Variants in PLCE1 observed in about 807,000 individuals in gnomAD.
PLCE1 encodes phospholipase C epsilon 1.
Under a neutral mutation model 242.8 loss-of-function variants are expected in PLCE1, and 119 were observed. The ratio of observed to expected loss-of-function variants is 0.49; its 90% confidence interval spans 0.42 to 0.57. PLCE1 has a LOEUF of 0.57. Among genes scored for constraint, PLCE1 ranks in the 20% least tolerant of loss-of-function variants. The probability of loss-of-function intolerance (pLI) is 0.00; values close to 1 mark genes in which losing one functional copy is unlikely to be tolerated. For missense variants in PLCE1, 2,441 were observed against 2,788.8 expected, an observed-to-expected ratio of 0.88 and a Z score of 2.81; for synonymous variants, 945 against 1,017.4, an observed-to-expected ratio of 0.93 and a Z score of 1.35.
At chr10:94,214,189 A>C (rs1358125119) in intron 4 of PLCE1, among the ~76,000 whole-genome samples, 2 of 152,328 alleles carry the variant, frequency 1.3e-5, no homozygotes, top group East Asian at 3.9e-4. Flanking sequence ...AGCCAACTCC[A>C]TGTTGGTGCT....
intron 2 of PLCE1, chr10:94,088,964 C>G: frequency 1.1e-6 from 1 of 935,456 alleles, no homozygotes; most frequent in Non-Finnish European, 1.5e-6. Context: ...GACTCTGGAT[C>G]GCAGCCCTCC....
At chr10:94,311,100 G>T (rs1044666243) in intron 27 of PLCE1, among the ~76,000 whole-genome samples, 3 of 152,178 alleles carry the variant, frequency 2.0e-5, no homozygotes, top group South Asian at 2.1e-4. Flanking sequence ...ATGGGAGGAG[G>T]AGTGCAGAGC....
Position 94,018,714 on chromosome 10 carries a change from T to C in PLCE1, c.-364-11969T>C, listed in dbSNP as rs548114507. ...TAGTTCATATCCTAATTTTTTTCTTTATGACTCTGTAGTAAGTAATGATTT... is the reference window on the plus strand; with the variant it reads ...TAGTTCATATCCTAATTTTTTTCTTCATGACTCTGTAGTAAGTAATGATTT... On this transcript the variant is annotated intron_variant, in intron 1 of 32. Coordinates refer to ENST00000371380, the MANE Select transcript of PLCE1 (RefSeq NM_016341.4). Among the ~76,000 whole-genome samples, 7 of 152,330 alleles carry C rather than the reference T, an allele frequency of 4.6e-5. No individual in the cohort carries two copies. In the South Asian group the frequency reaches 1.4e-3, roughly 32 times the overall value.
In PLCE1 at chr10:94,227,402, T is replaced by G. The variant is rs1288229733; in HGVS notation, c.1906T>G (p.Trp636Gly). The change falls in exon 5 of 33, where the codon TGG becomes GGG. Residue 636 changes from tryptophan to glycine, a missense_variant. Trp to Gly is a radical substitution (Grantham distance 184, BLOSUM62 -2). Transcript: ENST00000371380. Reference sequence around the variant, plus strand: ...TTTGGTGCATGTGGCCAAATGCTGCTGGAACATGGGCAACTACAACGCTGT... The same window carrying G: ...TTTGGTGCATGTGGCCAAATGCTGCGGGAACATGGGCAACTACAACGCTGT... ...SYLVHVAKCC[W>G]NMGNYNAVME... The G allele has an allele frequency of 6.2e-7, 1 of 1,614,052 alleles. No homozygotes were observed. The highest frequency in any genetic ancestry group is 8.5e-7 in the Non-Finnish European group (1 of 1,179,916).
At chr10:94,316,901 T>C (rs1246031505) in intron 29 of PLCE1, 145 bp downstream of exon 29, 4 of 709,350 alleles carry the variant, frequency 5.6e-6, no homozygotes, top group Non-Finnish European at 1.0e-5. Flanking sequence ...TGAACAGTTT[T>C]ATTCTTCTGC....
intron 4 of PLCE1, among the ~76,000 whole-genome samples, chr10:94,207,511 ATACG>A (rs1469210409): frequency 9.2e-6 from 1 of 108,884 alleles, no homozygotes; most frequent in Non-Finnish European, 1.9e-5. Flanking sequence ...GGGAATAGTT[ATACG>A]TGTGTGTGTG....
chr10:94,207,155 C>T (rs987076627), intron 4 of PLCE1, among the ~76,000 whole-genome samples: 5 of 152,276 alleles, frequency 3.3e-5, no homozygotes, highest in African/African-American at 7.2e-5. Context: ...AGCCCTGGCT[C>T]GTGTGGGGAG....
intron 4 of PLCE1, among the ~76,000 whole-genome samples, chr10:94,225,946 G>A (rs1259006166): frequency 6.6e-6 from 1 of 152,232 alleles, no homozygotes; most frequent in Non-Finnish European, 1.5e-5. Context: ...CCAGAGAAAA[G>A]TGTTGCTGTC....
Position 94,298,029 on chromosome 10 carries a change from G to T in PLCE1, c.5168-350G>T, listed in dbSNP as rs1361286980. 6.6e-6 allele frequency among the ~76,000 whole-genome samples: 1 copy of T among 152,010 alleles called. No individual in the cohort carries two copies. The highest frequency in any genetic ancestry group is 1.9e-4 in the East Asian group (1 of 5,194). On this transcript the variant is annotated intron_variant, in intron 23 of 32. Transcript: ENST00000371380. This position sits in a 1 kb window ranked among gnomAD's most constrained non-coding sequence, Gnocchi z 5.2. ...CATTTTGTTTTGTTTCTTGTGTGGG[G>T]TTTTTTGTTTGGTTTTATTTTATTT...
intron 2 of PLCE1, chr10:94,109,161 C>T (rs2045864553): frequency 1.3e-5 from 2 of 152,226 alleles, no homozygotes; most frequent in South Asian, 4.1e-4. Flanking sequence ...AATCTGGGAG[C>T]AGGATGAAGG....
At chr10:94,027,548 T>G (rs376270621) in intron 1 of PLCE1, among the ~76,000 whole-genome samples, 14 of 152,170 alleles carry the variant, frequency 9.2e-5, no homozygotes, top group African/African-American at 2.7e-4. Context: ...TTGGCTGGGC[T>G]TGGTGGCTCA....
At chr10:94,223,233 C>CAAAAAAAA (rs60764243) in intron 4 of PLCE1, among the ~76,000 whole-genome samples, 3,555 of 90,512 alleles carry the variant, frequency 0.039, 209 homozygotes, top group Non-Finnish European at 0.045. Context: ...TCCATCTCTA[C>CAAAAAAAA]AAAAAAAAAA....
At position 94,316,581 on chromosome 10, in the gene PLCE1, C is replaced by T. The variant is rs755150417; in HGVS notation, c.6167C>T (p.Thr2056Ile). 2.4e-5 allele frequency: 38 copies of T among 1,608,650 alleles called. No individual in the cohort carries two copies. The highest frequency in any genetic ancestry group is 3.0e-5 in the Non-Finnish European group (35 of 1,176,456). ...LTNEQDIKPV[T>I]TDYFLMEEKY... ...AATGAACAAGACATCAAACCTGTTA[C>T]CACAGACTATTTTTTGATGGAAGAA... Residue 2056 changes from threonine (T) to isoleucine (I), a missense_variant, in exon 29 of 33, where the codon ACC (threonine) becomes ATC (isoleucine). This residue lies in a region of PLCE1 where 310 missense variants were observed against 317.2 expected (regional missense o/e 0.98). Coordinates refer to ENST00000371380, the MANE Select transcript of PLCE1 (RefSeq NM_016341.4).
chr10:94,233,053 T>A (rs538228160), intron 5 of PLCE1, among the ~76,000 whole-genome samples: 3 of 152,152 alleles, frequency 2.0e-5, no homozygotes, highest in Non-Finnish European at 4.4e-5. Flanking sequence ...AGCTATCTGC[T>A]CAGATCCACT....
chr10:94,285,841 C>G (rs899352615), intron 22 of PLCE1, among the ~76,000 whole-genome samples: 2 of 152,138 alleles, frequency 1.3e-5, no homozygotes, highest in Non-Finnish European at 2.9e-5. Flanking sequence ...CCCAATTGAC[C>G]GTTTTTAGAA....
At chr10:94,013,888 C>A (rs934182864) in intron 1 of PLCE1, among the ~76,000 whole-genome samples, 1 of 151,490 alleles carries the variant, frequency 6.6e-6, no homozygotes, top group African/African-American at 2.4e-5. Flanking sequence ...CATTAGAAAC[C>A]TGAAGAGGGC....
At chr10:94,269,545 TA>T (rs1005256860) in intron 17 of PLCE1, among the ~76,000 whole-genome samples, 6 of 152,176 alleles carry the variant, frequency 3.9e-5, no homozygotes, top group Admixed American at 3.9e-4. Flanking sequence ...GGAGTTAATC[TA>T]GAACTCTCAT....
Position 93,995,564 on chromosome 10 carries a change from T to A in PLCE1, c.-365+1306T>A, listed in dbSNP as rs954502626. Among the ~76,000 whole-genome samples the A allele has an allele frequency of 2.0e-5, 3 of 152,366 alleles. No homozygotes were observed. In the East Asian group the frequency reaches 5.8e-4, roughly 29 times the overall value. On this transcript the variant is annotated intron_variant, in intron 1 of 32. Transcript: ENST00000371380. ...ACCTAGAAGACTCTAGAGATAATTGTGGGCCAGTATTAAATCTTAAGACTT... is the reference window on the plus strand; with the variant it reads ...ACCTAGAAGACTCTAGAGATAATTGAGGGCCAGTATTAAATCTTAAGACTT...
At chr10:94,033,452 A>G (rs1036898458) in intron 2 of PLCE1, among the ~76,000 whole-genome samples, 1 of 152,164 alleles carries the variant, frequency 6.6e-6, no homozygotes, top group African/African-American at 2.4e-5. Context: ...TAGGATATGG[A>G]AATATCTGTG....
Sources: gnomAD v4.1 joint callset for allele counts (sites outside exome capture counted in the v4.1 genomes callset) on GRCh38, gnomAD v4.1.1 for gene constraint, gnomAD v4.1.1 regional missense constraint, Gnocchi (gnomAD v3.1) non-coding constraint, MANE v1.5 for transcripts, NCBI Gene and HGNC (gene_info 2026-07-23, HGNC 2026-07-21) for gene names.